The following FBXL7 variants were observed in gnomAD, a reference collection of about 807,000 sequenced individuals.
FBXL7 encodes the protein F-box/LRR-repeat protein 7.
FBXL7 carries 12 observed loss-of-function variants against 38.3 expected under a neutral mutation model. That is an observed-to-expected ratio of 0.31 (90% CI 0.20 to 0.51). FBXL7 has a LOEUF of 0.51. Among genes scored for constraint, FBXL7 ranks in the 20% least tolerant of loss-of-function variants. The probability of loss-of-function intolerance (pLI) is 0.98; values close to 1 mark genes in which losing one functional copy is unlikely to be tolerated. For synonymous variants in FBXL7, 297 were observed against 300.9 expected, an observed-to-expected ratio of 0.99 and a Z score of 0.13; for missense variants, 567 against 676.4, an observed-to-expected ratio of 0.84 and a Z score of 1.79.
rs1282042065 is a variant in FBXL7, at chr5:15,741,408, A to G, written c.127+125336A>G. 2.0e-5 allele frequency among the ~76,000 whole-genome samples: 3 copies of G among 152,348 alleles called. No individual in the cohort carries two copies. In the East Asian group the frequency reaches 5.8e-4, roughly 29 times the overall value. On this transcript the variant is annotated intron_variant, in intron 2 of 3. Transcript: ENST00000504595. ...ATTCTTGCAACTTCCCTTCTAAGAT[A>G]GTTCACATATGAATTGTCAACTTAA...
chr5:15,787,025 A>G (rs1737148890), intron 2 of FBXL7, among the ~76,000 whole-genome samples: 1 of 152,218 alleles, frequency 6.6e-6, no homozygotes, highest in African/African-American at 2.4e-5. Flanking sequence ...GGCAGAGATC[A>G]GAGTGATGCA....
At chr5:15,572,353 G>A (rs1297540311) in intron 1 of FBXL7, among the ~76,000 whole-genome samples, 3 of 148,738 alleles carry the variant, frequency 2.0e-5, no homozygotes, top group Admixed American at 6.7e-5. Context: ...CAGGTATGGA[G>A]GAGCTTTAGC....
chr5:15,721,910 C>T (rs1744204563), intron 2 of FBXL7, among the ~76,000 whole-genome samples: 1 of 152,194 alleles, frequency 6.6e-6, no homozygotes, highest in South Asian at 2.1e-4. Context: ...TCTCAGCTCA[C>T]TGCAACCTCT....
At chr5:15,720,151 CA>C (rs1403136198) in intron 2 of FBXL7, among the ~76,000 whole-genome samples, 1 of 149,108 alleles carries the variant, frequency 6.7e-6, no homozygotes, top group East Asian at 1.9e-4. Context: ...ATAATACCAA[CA>C]AACAGTAAAC....
chr5:15,890,472 C>T (rs1475796995), intron 2 of FBXL7, among the ~76,000 whole-genome samples: 1 of 152,080 alleles, frequency 6.6e-6, no homozygotes, highest in Non-Finnish European at 1.5e-5. Flanking sequence ...AACTCTCGAC[C>T]TCAGGTGATC....
At chr5:15,651,922 G>T (rs1286580359) in intron 2 of FBXL7, among the ~76,000 whole-genome samples, 3 of 152,146 alleles carry the variant, frequency 2.0e-5, no homozygotes, top group African/African-American at 7.2e-5. Flanking sequence ...CTTCATCATT[G>T]GTCTTAGCTA....
intron 2 of FBXL7, among the ~76,000 whole-genome samples, chr5:15,671,355 G>A (rs1240977406): frequency 1.3e-5 from 2 of 152,064 alleles, no homozygotes; most frequent in African/African-American, 4.8e-5. Context: ...ACTGAGCACT[G>A]GATATTTTCT....
chr5:15,518,090 A>G (rs1736993347), intron 1 of FBXL7, among the ~76,000 whole-genome samples: 1 of 152,052 alleles, frequency 6.6e-6, no homozygotes. Flanking sequence ...TCCTGAGTTC[A>G]AGTGATTCTC....
At chr5:15,671,328 TG>T (rs1223440960) in intron 2 of FBXL7, among the ~76,000 whole-genome samples, 9 of 152,236 alleles carry the variant, frequency 5.9e-5, no homozygotes, top group African/African-American at 2.2e-4. Flanking sequence ...CGATTTCACT[TG>T]AATCAATAAT....
Position 15,561,778 on chromosome 5 carries a change from G to A in FBXL7, c.38-54205G>A, listed in dbSNP as rs182526941. On this transcript the variant is annotated intron_variant, in intron 1 of 3. Transcript: ENST00000504595. ...AGGCATGAGATGGTATCTCATTGCA[G>A]TTTTGATTTGCATTTGACTGATCAC... Among the ~76,000 whole-genome samples, 303 of 152,142 alleles carry A rather than the reference G, an allele frequency of 2.0e-3. 1 individual carries two copies. The highest frequency in any genetic ancestry group is 3.6e-3 in the Admixed American group (55 of 15,268).
chr5:15,561,428 T>C (rs1423951350), intron 1 of FBXL7, among the ~76,000 whole-genome samples: 2 of 152,166 alleles, frequency 1.3e-5, no homozygotes, highest in African/African-American at 4.8e-5. Context: ...TATTCCGTTG[T>C]ATAAATGCAT....
chr5:15,773,931 A>G (rs1346626187), intron 2 of FBXL7, among the ~76,000 whole-genome samples: 1 of 152,126 alleles, frequency 6.6e-6, no homozygotes, highest in Non-Finnish European at 1.5e-5. Flanking sequence ...CTGTGGTTCC[A>G]TGTTCTTAGA....
intron 1 of FBXL7, among the ~76,000 whole-genome samples, chr5:15,588,858 C>G (rs1471340306): frequency 1.3e-5 from 2 of 152,120 alleles, no homozygotes; most frequent in African/African-American, 4.8e-5. Context: ...CAATTAGATC[C>G]TTACTTTGTT....
At chr5:15,640,058 G>A (rs920980984) in intron 2 of FBXL7, among the ~76,000 whole-genome samples, 1 of 152,174 alleles carries the variant, frequency 6.6e-6, no homozygotes, top group Admixed American at 6.5e-5. Flanking sequence ...CTCTGTGCAT[G>A]TGCTTGTCTG....
chr5:15,585,677 C>A (rs982729374), intron 1 of FBXL7, among the ~76,000 whole-genome samples: 1 of 152,166 alleles, frequency 6.6e-6, no homozygotes, highest in Admixed American at 6.5e-5. Context: ...GGCTCAGATA[C>A]CATTAACTCT....
At chr5:15,745,240 T>TA (rs1414000343) in intron 2 of FBXL7, among the ~76,000 whole-genome samples, 2 of 152,158 alleles carry the variant, frequency 1.3e-5, no homozygotes, top group South Asian at 2.1e-4. Flanking sequence ...AAAAAAGGAA[T>TA]AAAATGAATG....
At chr5:15,591,149 GC>G (rs1739461034) in intron 1 of FBXL7, among the ~76,000 whole-genome samples, 2 of 151,562 alleles carry the variant, frequency 1.3e-5, no homozygotes, top group Admixed American at 1.3e-4. Context: ...GAGAATTTAG[GC>G]CAGGCGCAGT....
intron 2 of FBXL7, among the ~76,000 whole-genome samples, chr5:15,642,350 C>G (rs1273373607): frequency 6.6e-6 from 1 of 152,120 alleles, no homozygotes; most frequent in African/African-American, 2.4e-5. Context: ...AAGGGTACCC[C>G]ACACACACAG....
intron 2 of FBXL7, among the ~76,000 whole-genome samples, chr5:15,634,820 T>G (rs1281354031): frequency 6.6e-6 from 1 of 152,156 alleles, no homozygotes; most frequent in Non-Finnish European, 1.5e-5. Flanking sequence ...TCTAGTTTCA[T>G]GACCCTCTCC....
Sources: gnomAD v4.1 joint callset for allele counts (sites outside exome capture counted in the v4.1 genomes callset) on GRCh38, gnomAD v4.1.1 for gene constraint, MANE v1.5 for transcripts, NCBI Gene and HGNC (gene_info 2026-07-23, HGNC 2026-07-21) for gene names.